The following STAT1 variants were observed in gnomAD, a reference collection of about 807,000 sequenced individuals.
The protein encoded by STAT1 is signal transducer and activator of transcription 1.
Under a neutral mutation model 111.7 loss-of-function variants are expected in STAT1, and 24 were observed. The observed-to-expected ratio is 0.21, with a 90% CI of 0.16 to 0.30. The LOEUF (loss-of-function observed/expected upper bound fraction) is 0.30, where lower values mean the gene tolerates loss of function less well. STAT1 is among the 10% of genes least tolerant of loss of function. STAT1 has a pLI of 1.00. For missense variants in STAT1, 351 were observed against 911.9 expected, an observed-to-expected ratio of 0.38 and a Z score of 7.92; for synonymous variants, 332 against 326.5, an observed-to-expected ratio of 1.02 and a Z score of -0.18.
In STAT1 at chr2:191,012,721, A is replaced by G. The variant is rs112714731; in HGVS notation, c.-2+804T>C. ...TTTCCACCCCACCCCATCTTCATCC[A>G]TCAACAAAGCAACCCAGTCACCAAA... On this transcript the variant is annotated intron_variant, in intron 2 of 24. Transcript: ENST00000361099. This position sits in a 1 kb window ranked among gnomAD's most constrained non-coding sequence, Gnocchi z 4.0. Among the ~76,000 whole-genome samples, 4 of 152,118 alleles carry G rather than the reference A, an allele frequency of 2.6e-5. No individual in the cohort carries two copies. Among genetic ancestry groups the G allele is most frequent in the Non-Finnish European group, 5.9e-5 (4 of 68,012 alleles).
intron 10 of STAT1, 136 bp downstream of exon 10, chr2:190,994,925 A>ATATATAT (rs1553496728): frequency 5.0e-5 from 5 of 99,524 alleles, no homozygotes; most frequent in African/African-American, 3.1e-4. Context: ...AAAAAAAAAA[A>ATATATAT]AAATATATAT....
chr2:190,986,338 C>A lies in STAT1; in HGVS notation c.1221+516G>T, dbSNP rs969332779. ...TCACAGAGGAGGAAAGATGGTGCAC[C>A]CACACAGAGCATCCTGCTGGGTCTC... On this transcript the variant is annotated intron_variant, in intron 14 of 24. Transcript: ENST00000361099. This position sits in a 1 kb window ranked among gnomAD's most constrained non-coding sequence, Gnocchi z 5.0. Among the ~76,000 whole-genome samples the A allele has an allele frequency of 2.6e-5, 4 of 152,172 alleles. No individual in the cohort carries two copies. The highest frequency in any genetic ancestry group is 9.7e-5 in the African/African-American group (4 of 41,432).
rs1694794500 is a variant in STAT1, at chr2:191,007,476, T to C, written c.372+87A>G. On this transcript the variant is annotated intron_variant, in intron 5 of 24. Coordinates refer to ENST00000361099, the MANE Select transcript of STAT1 (RefSeq NM_007315.4). This position sits in a 1 kb window ranked among gnomAD's most constrained non-coding sequence, Gnocchi z 4.2. ...TATAAAATTAGAGAGATATTCATCA[T>C]TGCTTTGACATGGGCCCTAATAGTA... 1 of 982,220 alleles carries C rather than the reference T, an allele frequency of 1.0e-6. No individual in the cohort carries two copies. Among genetic ancestry groups the C allele is most frequent in the Non-Finnish European group, 1.6e-6 (1 of 625,298 alleles). 60.8% of individuals were successfully genotyped at this position (982,220 alleles called of 1,614,324 possible).
intron 3 of STAT1, among the ~76,000 whole-genome samples, chr2:191,009,564 T>C (rs1694973513): frequency 6.6e-6 from 1 of 152,248 alleles, no homozygotes; most frequent in South Asian, 2.1e-4. Flanking sequence ...TTCTATAGTC[T>C]GGATCCTAAG....
Position 190,970,364 on chromosome 2 carries a change from T to G in STAT1, c.*339A>C, listed in dbSNP as rs1193632643. 1 of 398,958 alleles carries G rather than the reference T, an allele frequency of 2.5e-6. No homozygotes were observed. Among genetic ancestry groups the G allele is most frequent in the African/African-American group, 2.1e-5 (1 of 48,630 alleles). The allele number at this position is 398,958 out of a possible 1,614,324, so 24.7% of individuals were successfully genotyped here. ...CTATAACAGTTGGGCACTGACTTTA[T>G]GCATAACATTTGCTAGATGTTGCTT... On this transcript the variant is annotated 3_prime_UTR_variant, in exon 25 of 25. Coordinates refer to ENST00000361099, the MANE Select transcript of STAT1 (RefSeq NM_007315.4). This position sits in a 1 kb window ranked among gnomAD's most constrained non-coding sequence, Gnocchi z 5.4.
rs1396458544 is a variant in STAT1 at position 190,976,840 on chromosome 2, C to G, written c.2059G>C (p.Ala687Pro). 6 of 1,614,034 alleles carry G rather than the reference C, an allele frequency of 3.7e-6. No individual in the cohort carries two copies. Among genetic ancestry groups the G allele is most frequent in the Non-Finnish European group, 5.1e-6 (6 of 1,179,872 alleles). Reference protein sequence around the residue: ...FGKYYSRPKEAPEPMELDGPK... With the variant: ...FGKYYSRPKEPPEPMELDGPK... ...GTTACCACCTGCTTGCCCCACTTAC[C>G]TTCCTTTGGCCTGGAGTAATACTTT... The change falls in exon 22 of 25, where the codon GCA (alanine) becomes CCA (proline). Residue 687 changes from alanine (A) to proline (P), a missense_variant and splice_region_variant. Around this residue, in one of 7 missense-constraint regions of STAT1, gnomAD observed 181 missense variants for 426.1 expected, o/e 0.42. Transcript: ENST00000361099. This position sits in a 1 kb window ranked among gnomAD's most constrained non-coding sequence, Gnocchi z 6.0.
In STAT1 at chr2:191,007,440, C is replaced by A; in HGVS notation, c.372+123G>T. ...AAAATCTCTAAATCTGATTCTCCCACTTCTTGGGGCTATAAAATTAGAGAG... is the reference window on the plus strand; with the variant it reads ...AAAATCTCTAAATCTGATTCTCCCAATTCTTGGGGCTATAAAATTAGAGAG... On this transcript the variant is annotated intron_variant, in intron 5 of 24. Coordinates refer to ENST00000361099, the MANE Select transcript of STAT1 (RefSeq NM_007315.4). This position sits in a 1 kb window ranked among gnomAD's most constrained non-coding sequence, Gnocchi z 4.2. 2 of 742,558 alleles carry A rather than the reference C, an allele frequency of 2.7e-6. No individual in the cohort carries two copies. The highest frequency in any genetic ancestry group is 2.3e-5 in the Admixed American group (1 of 42,674). 46.0% of individuals were successfully genotyped at this position (742,558 alleles called of 1,614,324 possible). A position where few individuals can be genotyped will look rare whatever the true frequency, so the allele number is the denominator to read the frequency against.
At position 190,972,816 on chromosome 2, in the gene STAT1, G is replaced by GGTGGGTGTGTGT. The variant is rs1553491654; in HGVS notation, c.2238+2013_2238+2014insACACACACCCAC. Among the ~76,000 whole-genome samples, 3 of 136,354 alleles carry GGTGGGTGTGTGT rather than the reference G, an allele frequency of 2.2e-5. No individual in the cohort carries two copies. In the South Asian group the frequency reaches 7.4e-4, roughly 33 times the overall value. 89.5% of individuals were successfully genotyped at this position (136,354 alleles called of 152,430 possible). ...TGGGAGGCTTTAGTGGTGTATAGAG[G>GGTGGGTGTGTGT]GTGTGTGTGTGTGTGTGTGTGTGTG... On this transcript the variant is annotated intron_variant, in intron 24 of 24. Coordinates refer to ENST00000361099, the MANE Select transcript of STAT1 (RefSeq NM_007315.4).
chr2:191,000,486 C>G lies in STAT1; in HGVS notation c.462+588G>C, dbSNP rs1175068291. ...AGGCCTTTTCCACAAACACAGGCCT[C>G]TGTGAAAAAGAACTCCTCAAACCCT... On this transcript the variant is annotated intron_variant, in intron 6 of 24. Transcript: ENST00000361099. This position sits in a 1 kb window ranked among gnomAD's most constrained non-coding sequence, Gnocchi z 4.8. Among the ~76,000 whole-genome samples, 1 of 152,140 alleles carries G rather than the reference C, an allele frequency of 6.6e-6. No individual in the cohort carries two copies. Among genetic ancestry groups the G allele is most frequent in the African/African-American group, 2.4e-5 (1 of 41,426 alleles).
Position 191,003,449 on chromosome 2 carries a change from G to A in STAT1, c.373-2286C>T, listed in dbSNP as rs897074675. The stretch of plus-strand genomic sequence containing the variant: ...AATTGTAATCCCCATTGTTGGAGGT[G>A]GGGCCTGGTGGAAGGTGACTGGATC... On this transcript the variant is annotated intron_variant, in intron 5 of 24. Coordinates refer to ENST00000361099, the MANE Select transcript of STAT1 (RefSeq NM_007315.4). The surrounding 1 kb of genome is among the most constrained non-coding windows in gnomAD (Gnocchi z 4.0). Among the ~76,000 whole-genome samples, 2 of 152,188 alleles carry A rather than the reference G, an allele frequency of 1.3e-5. No individual in the cohort carries two copies. Among genetic ancestry groups the A allele is most frequent in the African/African-American group, 4.8e-5 (2 of 41,424 alleles).
rs1574661458 is a variant in STAT1, at chr2:190,998,770, C to T, written c.542-462G>A. ...CACTTAAGACACTGTCAGGTAATTA[C>T]CTAAATAAATGTAAATAACATTAAT... On this transcript the variant is annotated intron_variant, in intron 7 of 24. Coordinates refer to ENST00000361099, the MANE Select transcript of STAT1 (RefSeq NM_007315.4). This position sits in a 1 kb window ranked among gnomAD's most constrained non-coding sequence, Gnocchi z 4.1. Among the ~76,000 whole-genome samples, 1 of 150,586 alleles carries T rather than the reference C, an allele frequency of 6.6e-6. No homozygotes were observed. Among genetic ancestry groups the T allele is most frequent in the Non-Finnish European group, 1.5e-5 (1 of 67,720 alleles).
In STAT1 at chr2:190,987,139, A is replaced by C; in HGVS notation, c.1098-71T>G. 2 of 1,142,410 alleles carry C rather than the reference A, an allele frequency of 1.8e-6. No individual in the cohort carries two copies. Among genetic ancestry groups the C allele is most frequent in the Non-Finnish European group, 2.6e-6 (2 of 759,578 alleles). 70.8% of individuals were successfully genotyped at this position (1,142,410 alleles called of 1,614,324 possible). A position where few individuals can be genotyped will look rare whatever the true frequency, so the allele number is the denominator to read the frequency against. ...AAATAAGCTTTAACAAAATTATAAG[A>C]GTATAAGAGCATAAGAGTGTAAGTG... is the stretch of plus-strand genomic sequence containing the variant. On this transcript the variant is annotated intron_variant, in intron 12 of 24. Transcript: ENST00000361099. This position sits in a 1 kb window ranked among gnomAD's most constrained non-coding sequence, Gnocchi z 4.0.
intron 2 of STAT1, among the ~76,000 whole-genome samples, chr2:191,011,923 A>C (rs1312854962): frequency 6.6e-6 from 1 of 151,966 alleles, no homozygotes; most frequent in African/African-American, 2.4e-5. Context: ...GCTAATTTTT[A>C]AATTTTCTGT....
chr2:190,992,812 C>CGGAGCA, intron 10 of STAT1: 1 of 401,904 alleles, frequency 2.5e-6, no homozygotes, highest in Non-Finnish European at 4.1e-6. Flanking sequence ...TTTTTTGAGA[C>CGGAGCA]AGAGTCTTGC....
At chr2:191,010,670 T>C (rs1559026393) in intron 2 of STAT1, among the ~76,000 whole-genome samples, 1 of 152,230 alleles carries the variant, frequency 6.6e-6, no homozygotes, top group Non-Finnish European at 1.5e-5. Context: ...ATTCATATGG[T>C]AAAATTCATT....
In STAT1 at chr2:190,987,285, T is replaced by G. The variant is rs1340683385; in HGVS notation, c.1098-217A>C. Among the ~76,000 whole-genome samples the G allele has an allele frequency of 1.3e-5, 2 of 152,210 alleles. No homozygotes were observed. The highest frequency in any genetic ancestry group is 4.8e-5 in the African/African-American group (2 of 41,440). On this transcript the variant is annotated intron_variant, in intron 12 of 24. Coordinates refer to ENST00000361099, the MANE Select transcript of STAT1 (RefSeq NM_007315.4). The surrounding 1 kb of genome is among the most constrained non-coding windows in gnomAD (Gnocchi z 4.0). ...TGAATGACCTTTGGCAAATAAATGG[T>G]CTGGGCCTTACATTGTTCATTTGCA...
Position 190,986,849 on chromosome 2 carries a change from C to T in STAT1, c.1221+5G>A, listed in dbSNP as rs754375713. ...ACAACATAGAGAGGAAACTGATGTC[C>T]CTACCAGGTGCCGAAATTCAGCCGC... On this transcript the variant is annotated splice_donor_5th_base_variant and intron_variant, in intron 14 of 24. Coordinates refer to ENST00000361099, the MANE Select transcript of STAT1 (RefSeq NM_007315.4). This position sits in a 1 kb window ranked among gnomAD's most constrained non-coding sequence, Gnocchi z 5.0. 8 of 1,613,604 alleles carry T rather than the reference C, an allele frequency of 5.0e-6. No homozygotes were observed. The South Asian group carries it at 6.6e-5, about 13-fold the overall frequency.
chr2:191,010,739 A>G (rs1025556817), intron 2 of STAT1, among the ~76,000 whole-genome samples: 3 of 152,242 alleles, frequency 2.0e-5, no homozygotes, highest in Non-Finnish European at 2.9e-5. Context: ...ACAAACAATA[A>G]ATCTGGCATA....
chr2:190,986,158 C>T lies in STAT1; in HGVS notation c.1222-498G>A, dbSNP rs918764883. Among the ~76,000 whole-genome samples, 1 of 152,186 alleles carries T rather than the reference C, an allele frequency of 6.6e-6. No homozygotes were observed. Among genetic ancestry groups the T allele is most frequent in the African/African-American group, 2.4e-5 (1 of 41,448 alleles). On this transcript the variant is annotated intron_variant, in intron 14 of 24. Coordinates refer to ENST00000361099, the MANE Select transcript of STAT1 (RefSeq NM_007315.4). The surrounding 1 kb of genome is among the most constrained non-coding windows in gnomAD (Gnocchi z 5.0). ...AGGCACCTGAGTTGGGCTAAGCTTT[C>T]GAGTTAGGTAGAGCTTCCTAGCTAC...
Sources: gnomAD v4.1 joint callset for allele counts (sites outside exome capture counted in the v4.1 genomes callset) on GRCh38, gnomAD v4.1.1 for gene constraint, gnomAD v4.1.1 regional missense constraint, Gnocchi (gnomAD v3.1) non-coding constraint, MANE v1.5 for transcripts, NCBI Gene and HGNC (gene_info 2026-07-23, HGNC 2026-07-21) for gene names.